SYNJ1: variants seen among roughly 807,000 people sequenced by gnomAD.
SYNJ1 encodes synaptojanin 1.
In SYNJ1, 78 loss-of-function variants were observed where a neutral mutation model predicts 168.2. The ratio of observed to expected loss-of-function variants is 0.46; its 90% confidence interval spans 0.39 to 0.56. The LOEUF is 0.56. Among genes scored for constraint, SYNJ1 ranks in the 20% least tolerant of loss-of-function variants. The pLI, the probability that SYNJ1 is intolerant of heterozygous loss-of-function variation, is 0.00. For synonymous variants in SYNJ1, 539 were observed against 548.6 expected, an observed-to-expected ratio of 0.98 and a Z score of 0.24; for missense variants, 1,303 against 1,597.6, an observed-to-expected ratio of 0.82 and a Z score of 3.14.
intron 2 of SYNJ1, among the ~76,000 whole-genome samples, chr21:32,709,522 T>TTG (rs2042747515): frequency 1.2e-5 from 1 of 80,840 alleles, no homozygotes; most frequent in South Asian, 4.2e-4. Flanking sequence ...TTATGGAGTG[T>TTG]TTTTTTTTTT....
intron 2 of SYNJ1, among the ~76,000 whole-genome samples, chr21:32,714,422 GGAGGGAATTGTAATGATCCATGAAA>G (rs2042948948): frequency 2.0e-5 from 3 of 152,268 alleles, no homozygotes; most frequent in Non-Finnish European, 4.4e-5. Context: ...GACCAGTTAA[GGAGGGAATTGTAATGATCCATGAAA>G]GAGACAACAG....
chr21:32,673,496 A>C lies in SYNJ1; in HGVS notation c.1570T>G (p.Phe524Val). The C allele has an allele frequency of 1.2e-6, 2 of 1,613,252 alleles. No homozygotes were observed. Among genetic ancestry groups the C allele is most frequent in the Non-Finnish European group, 1.7e-6 (2 of 1,179,676 alleles). ...SKVLKSMCEN[F>V]YKYSKPKKIR... ...TTCTTAGGCTTTGAATATTTGTAGA[A>C]ATTCTCACACATGCTCTTTAGTACT... Residue 524 changes from phenylalanine to valine, a missense_variant, in exon 14 of 33, where the codon TTC (phenylalanine) becomes GTC (valine). Physicochemically the swap from Phe to Val is conservative, Grantham distance 50. Around this residue, in one of 2 missense-constraint regions of SYNJ1, gnomAD observed 920 missense variants for 1,208.8 expected, o/e 0.76. Transcript: ENST00000674351.
Position 32,700,048 on chromosome 21 carries a change from A to AT in SYNJ1, c.268dup (p.Ile90AsnfsTer5), listed in dbSNP as rs776410536. On this transcript the variant is annotated frameshift_variant, in exon 4 of 33. Coordinates refer to ENST00000674351, the MANE Select transcript of SYNJ1 (RefSeq NM_203446.3). LOFTEE classifies it high-confidence loss of function. ...AACTCGGAAAACTTCAGATTCTTGA[A>AT]TTTTTCCAACAGACATACATCCAGT... 6.2e-7 allele frequency: 1 copy of AT among 1,614,120 alleles called. No homozygotes were observed. The highest frequency in any genetic ancestry group is 8.5e-7 in the Non-Finnish European group (1 of 1,180,020).
chr21:32,665,886 G>T (rs1458827954), intron 17 of SYNJ1, 57 bp downstream of exon 17: 24 of 1,462,908 alleles, frequency 1.6e-5, no homozygotes, highest in Non-Finnish European at 2.1e-5. Flanking sequence ...TAGAATTTGG[G>T]GCAAATTAAA....
chr21:32,674,529 GT>G (rs2041327618), intron 13 of SYNJ1, among the ~76,000 whole-genome samples: 1 of 151,900 alleles, frequency 6.6e-6, no homozygotes, highest in Non-Finnish European at 1.5e-5. Context: ...AATACTCCTA[GT>G]AACTAAAAGA....
chr21:32,630,987 G>A lies in SYNJ1; in HGVS notation c.*818C>T, dbSNP rs754727184. On this transcript the variant is annotated 3_prime_UTR_variant, in exon 33 of 33. Coordinates refer to ENST00000674351, the MANE Select transcript of SYNJ1 (RefSeq NM_203446.3). ...AAGCAAGTACCCACTGTTTTCTATT[G>A]CATGGCGTTATCTTTCTGTAAAGTC... The A allele has an allele frequency of 1.0e-5, 16 of 1,605,060 alleles. No homozygotes were observed. The highest frequency in any genetic ancestry group is 6.8e-5 in the Admixed American group (4 of 58,652).
rs2042421673 is a variant in SYNJ1 at position 32,702,011 on chromosome 21, G to A, written c.161C>T (p.Ser54Phe). Reference sequence around the variant, plus strand: ...GAGTCCATATGCATCCAGTACTTTGGAGTATGTACCCTTGATTGCCTCTTT... The same window carrying A: ...GAGTCCATATGCATCCAGTACTTTGAAGTATGTACCCTTGATTGCCTCTTT... ...AEKEAIKGTYSKVLDAYGLLG... is the reference protein window; with the variant it reads ...AEKEAIKGTYFKVLDAYGLLG... The change falls in exon 3 of 33, where the codon TCC (serine) becomes TTC (phenylalanine). Residue 54 changes from serine (S) to phenylalanine (F), a missense_variant. Physicochemically the swap from Ser to Phe is radical, Grantham distance 155 (BLOSUM62 -2). This residue lies in a region of SYNJ1 where 920 missense variants were observed against 1,208.8 expected (regional missense o/e 0.76). Coordinates refer to ENST00000674351, the MANE Select transcript of SYNJ1 (RefSeq NM_203446.3). 1 of 1,574,058 alleles carries A rather than the reference G, an allele frequency of 6.4e-7. No homozygotes were observed. Among genetic ancestry groups the A allele is most frequent in the Non-Finnish European group, 8.7e-7 (1 of 1,153,888 alleles).
At chr21:32,680,199 A>G (rs2041567163) in intron 11 of SYNJ1, among the ~76,000 whole-genome samples, 1 of 152,200 alleles carries the variant, frequency 6.6e-6, no homozygotes, top group South Asian at 2.1e-4. Context: ...TGAGTTGAAC[A>G]AAAGAAACTT....
chr21:32,700,917 GA>G (rs761535588), intron 3 of SYNJ1, among the ~76,000 whole-genome samples: 7 of 152,094 alleles, frequency 4.6e-5, no homozygotes, highest in African/African-American at 7.2e-5. Context: ...CTTTCACAGA[GA>G]TTTTTTTCAT....
At chr21:32,720,571 G>A (rs115930246) in intron 2 of SYNJ1, among the ~76,000 whole-genome samples, 226 of 152,356 alleles carry the variant, frequency 1.5e-3, no homozygotes, top group African/African-American at 4.8e-3. Flanking sequence ...ACCAGGTGCA[G>A]TGATATGGCC....
At chr21:32,716,228 T>C (rs2043019015) in intron 2 of SYNJ1, among the ~76,000 whole-genome samples, 1 of 152,238 alleles carries the variant, frequency 6.6e-6, no homozygotes, top group Non-Finnish European at 1.5e-5. Flanking sequence ...TTATTGCTTC[T>C]TTCACTTTGT....
At chr21:32,632,409 CA>C (rs1447880698) in intron 32 of SYNJ1, among the ~76,000 whole-genome samples, 1 of 149,310 alleles carries the variant, frequency 6.7e-6, no homozygotes, top group Non-Finnish European at 1.5e-5. Flanking sequence ...TTTTGGAGAC[CA>C]AGTCTTGTGC....
In SYNJ1 at chr21:32,726,858, A is replaced by G. The variant is rs779059079; in HGVS notation, c.38T>C (p.Leu13Ser). 162 of 1,614,066 alleles carry G rather than the reference A, an allele frequency of 1.0e-4. 1 individual carries two copies. In the Middle Eastern group the frequency reaches 1.3e-3, roughly 13 times the overall value. ...TATGAGGCTGAAAGGTGGGGGATCC[A>G]ATTTGTGATAGATCCGGAATCCTTT... ...FSKGFRIYHK[L>S]DPPPFSLIVE... The change falls in exon 2 of 33, where the codon TTG becomes TCG. Residue 13 changes from leucine (L) to serine (S), a missense_variant. By Grantham distance (145) the Leu-to-Ser change is moderately radical (BLOSUM62 -2). This residue lies in a region of SYNJ1 where 920 missense variants were observed against 1,208.8 expected (regional missense o/e 0.76). Transcript: ENST00000674351.
chr21:32,721,539 T>C (rs1218923833), intron 2 of SYNJ1, among the ~76,000 whole-genome samples: 1 of 151,350 alleles, frequency 6.6e-6, no homozygotes, highest in Non-Finnish European at 1.5e-5. Context: ...ATTAGCTAGG[T>C]GTGGTGGGGG....
At chr21:32,701,190 A>ATATATT (rs1297406834) in intron 3 of SYNJ1, among the ~76,000 whole-genome samples, 2 of 152,218 alleles carry the variant, frequency 1.3e-5, no homozygotes, top group Non-Finnish European at 2.9e-5. Flanking sequence ...TTTATATGTG[A>ATATATT]TAGATTCATA....
At position 32,658,765 on chromosome 21, in the gene SYNJ1, C is replaced by T. The variant is rs192667703; in HGVS notation, c.2305-893G>A. ...TCACTTACCAGAACTCCCCCTCCTA[C>T]AGGGGTGGAGTGCAGTGGGTCAAGT... is the stretch of plus-strand genomic sequence containing the variant. On this transcript the variant is annotated intron_variant, in intron 18 of 32. Transcript: ENST00000674351. 2.0e-4 allele frequency among the ~76,000 whole-genome samples: 30 copies of T among 152,320 alleles called. No individual in the cohort carries two copies. In the East Asian group the frequency reaches 5.8e-3, roughly 29 times the overall value.
intron 24 of SYNJ1, among the ~76,000 whole-genome samples, 182 bp downstream of exon 24, chr21:32,646,211 T>C (rs2040062202): frequency 6.6e-6 from 1 of 152,264 alleles, no homozygotes; most frequent in African/African-American, 2.4e-5. Context: ...AATTGTCATC[T>C]AGTGACAGTT....
chr21:32,695,238 C>A lies in SYNJ1; in HGVS notation c.524G>T (p.Cys175Phe), dbSNP rs1840539221. 1 of 1,614,058 alleles carries A rather than the reference C, an allele frequency of 6.2e-7. No individual in the cohort carries two copies. The highest frequency in any genetic ancestry group is 8.5e-7 in the Non-Finnish European group (1 of 1,180,000). Residue 175 changes from cysteine (C) to phenylalanine (F), a missense_variant, in exon 5 of 33, where the codon TGT becomes TTT. Physicochemically the swap from Cys to Phe is radical, Grantham distance 205. This residue lies in a region of SYNJ1 where 920 missense variants were observed against 1,208.8 expected (regional missense o/e 0.76). Transcript: ENST00000674351. ...HLHLKHYGVN[C>F]DDWLLRLMCG... The stretch of plus-strand genomic sequence containing the variant: ...CATAAGACGTAATAACCAGTCATCA[C>A]AATTCACGCCATAGTGTTTGAGATG...
chr21:32,629,694 T>A lies in SYNJ1; in HGVS notation c.*2111A>T, dbSNP rs552130430. 7.4e-4 allele frequency: 113 copies of A among 152,424 alleles called. 1 individual carries two copies. The highest frequency in any genetic ancestry group is 2.1e-3 in the Admixed American group (32 of 15,290). The allele number at this position is 152,424 out of a possible 1,614,324, so 9.4% of individuals were successfully genotyped here. Reference sequence around the variant, plus strand: ...GGGTAAAGATGATTGTAACTGAAACTGACAAAGAAACAACTATTGCTCAAG... The same window carrying A: ...GGGTAAAGATGATTGTAACTGAAACAGACAAAGAAACAACTATTGCTCAAG... On this transcript the variant is annotated 3_prime_UTR_variant, in exon 33 of 33. Transcript: ENST00000674351.
Sources: gnomAD v4.1 joint callset for allele counts (sites outside exome capture counted in the v4.1 genomes callset) on GRCh38, gnomAD v4.1.1 for gene constraint, gnomAD v4.1.1 regional missense constraint, MANE v1.5 for transcripts, NCBI Gene and HGNC (gene_info 2026-07-23, HGNC 2026-07-21) for gene names.